LRRC49: variants seen among roughly 807,000 people sequenced by gnomAD.
LRRC49 encodes leucine-rich repeat-containing protein 49.
A neutral mutation model predicts 83.3 loss-of-function variants in LRRC49; 50 were observed. The ratio of observed to expected loss-of-function variants is 0.60; its 90% CI spans 0.48 to 0.76. LRRC49 has a LOEUF of 0.76. LRRC49 is among the 30% of genes least tolerant of loss of function. LRRC49 has a pLI of 0.00. For synonymous variants in LRRC49, 286 were observed against 283.3 expected (o/e 1.01, Z -0.10); for missense variants, 704 against 809.1 (o/e 0.87, Z 1.58).
At chr15:71,019,161 G>C (rs935641212) in intron 14 of LRRC49, among the ~76,000 whole-genome samples, 1 of 152,030 alleles carries the variant, frequency 6.6e-6, no homozygotes, top group Admixed American at 6.6e-5. Flanking sequence ...TGAAATCATT[G>C]GCTATTGGTA....
chr15:70,985,179 G>A (rs1208734977), intron 11 of LRRC49, among the ~76,000 whole-genome samples: 2 of 150,332 alleles, frequency 1.3e-5, no homozygotes, highest in African/African-American at 4.9e-5. Flanking sequence ...GGTATTTCTA[G>A]TTCTAGATCC....
At chr15:70,962,278 T>G (rs2036628817) in intron 8 of LRRC49, among the ~76,000 whole-genome samples, 1 of 152,168 alleles carries the variant, frequency 6.6e-6, no homozygotes, top group African/African-American at 2.4e-5. Flanking sequence ...GTTGGAGACA[T>G]CAGTATAAAC....
Position 70,984,477 on chromosome 15 carries a change from A to T in LRRC49, c.1169+220A>T, listed in dbSNP as rs1567083403. 1.8e-5 allele frequency: 7 copies of T among 399,768 alleles called. 1 individual carries two copies. The highest frequency in any genetic ancestry group is 3.1e-5 in the Non-Finnish European group (7 of 228,544). The allele number at this position is 399,768 out of a possible 1,614,324, so 24.8% of individuals were successfully genotyped here. A position where few individuals can be genotyped will look rare whatever the true frequency, so the allele number is the denominator to read the frequency against. On this transcript the variant is annotated intron_variant, in intron 11 of 15. Transcript: ENST00000260382. The stretch of plus-strand genomic sequence containing the variant: ...GGCATTTCATATTTTTTATAGGGAA[A>T]AGTCTAGATTTCTTAATATAGTCTA...
rs148782742 is a variant in LRRC49 at position 70,942,071 on chromosome 15, GTGTA to G, written c.773+5250_773+5253del. Among the ~76,000 whole-genome samples, 36 of 129,494 alleles carry G rather than the reference GTGTA, an allele frequency of 2.8e-4. No homozygotes were observed. The South Asian group carries it at 8.3e-3, about 30-fold the overall frequency. The allele number at this position is 129,494 out of a possible 152,430, so 85.0% of individuals were successfully genotyped here. A position where few individuals can be genotyped will look rare whatever the true frequency, so the allele number is the denominator to read the frequency against. On this transcript the variant is annotated intron_variant, in intron 8 of 15. Transcript: ENST00000260382. ...TGTGTGTGTGTGTGTGTGTGTGTGT[GTGTA>G]AGCGAGAGAGAGAGTTTTTCTAAAA...
At chr15:70,876,400 G>A (rs1479697728) in intron 2 of LRRC49, among the ~76,000 whole-genome samples, 1 of 152,210 alleles carries the variant, frequency 6.6e-6, no homozygotes, top group African/African-American at 2.4e-5. Context: ...GTAGAGTCTA[G>A]TGGGGGAGAT....
chr15:70,908,972 T>C (rs929617722), intron 5 of LRRC49, among the ~76,000 whole-genome samples: 2 of 152,200 alleles, frequency 1.3e-5, no homozygotes, highest in African/African-American at 4.8e-5. Flanking sequence ...GATTTCTCAA[T>C]TTTGCAAAGG....
At chr15:71,014,783 A>C (rs1047480820) in intron 14 of LRRC49, among the ~76,000 whole-genome samples, 2 of 152,198 alleles carry the variant, frequency 1.3e-5, no homozygotes, top group African/African-American at 4.8e-5. Context: ...TTCAGTTATT[A>C]TAATAGTCAT....
intron 2 of LRRC49, among the ~76,000 whole-genome samples, chr15:70,886,433 ACTT>A (rs1345527328): frequency 2.0e-5 from 3 of 152,328 alleles, no homozygotes; most frequent in African/African-American, 7.2e-5. Context: ...ATATAATTTA[ACTT>A]CTTAAGAAGT....
chr15:70,999,543 T>A (rs974465734), intron 11 of LRRC49, among the ~76,000 whole-genome samples: 1 of 152,214 alleles, frequency 6.6e-6, no homozygotes, highest in Non-Finnish European at 1.5e-5. Context: ...CTTTCACTGC[T>A]TATCTAGGCA....
At chr15:70,925,804 T>C (rs546517505) in intron 7 of LRRC49, among the ~76,000 whole-genome samples, 1 of 152,302 alleles carries the variant, frequency 6.6e-6, no homozygotes, top group African/African-American at 2.4e-5. Flanking sequence ...TGAAGACTTT[T>C]CCTTCATACT....
At chr15:70,987,883 TTTG>T (rs2037692446) in intron 11 of LRRC49, among the ~76,000 whole-genome samples, 1 of 152,034 alleles carries the variant, frequency 6.6e-6, no homozygotes, top group African/African-American at 2.4e-5. Flanking sequence ...CTGCCTTCAT[TTTG>T]TTATGTACCT....
chr15:70,905,739 G>A (rs1206615717), intron 5 of LRRC49, among the ~76,000 whole-genome samples: 2 of 152,118 alleles, frequency 1.3e-5, no homozygotes, highest in African/African-American at 4.8e-5. Flanking sequence ...AACTTAGCAA[G>A]GCCTATTTGT....
chr15:70,854,038 C>A, intron 1 of LRRC49: 1 of 1,446,288 alleles, frequency 6.9e-7, no homozygotes, highest in Non-Finnish European at 9.1e-7. Context: ...CGACGCGGAT[C>A]TGCACCGCCG....
intron 14 of LRRC49, among the ~76,000 whole-genome samples, chr15:71,017,514 A>G (rs1030572155): frequency 6.6e-6 from 1 of 152,196 alleles, no homozygotes; most frequent in Non-Finnish European, 1.5e-5. Flanking sequence ...CAAATTTAGT[A>G]AGAAAAAAGA....
upstream of LRRC49, among the ~76,000 whole-genome samples, chr15:70,891,434 T>A (rs141894725): frequency 6.7e-3 from 1,025 of 152,270 alleles, 9 homozygotes; most frequent in Middle Eastern, 0.017. Flanking sequence ...GGGACTTTCC[T>A]CAAGCTTATG....
At chr15:70,893,094 C>A in intron 1 of LRRC49, 152 bp downstream of exon 1, 1 of 814,606 alleles carries the variant, frequency 1.2e-6, no homozygotes, top group Non-Finnish European at 2.1e-6. Context: ...GTGGGCTGGA[C>A]CAAGGCACAA....
chr15:71,045,687 A>C (rs1025374882), intron 15 of LRRC49, among the ~76,000 whole-genome samples: 1 of 152,006 alleles, frequency 6.6e-6, no homozygotes, highest in African/African-American at 2.4e-5. Flanking sequence ...TCTTATTATG[A>C]ATCTTTATTT....
At chr15:70,911,457 T>G (rs2141122209) in intron 5 of LRRC49, 75 bp from the exon 6 acceptor site, 1 of 767,326 alleles carries the variant, frequency 1.3e-6, no homozygotes. Context: ...GTTACACCTT[T>G]ATGCCTTAGC....
chr15:70,878,683 T>C (rs1481555918), intron 2 of LRRC49, among the ~76,000 whole-genome samples: 1 of 152,240 alleles, frequency 6.6e-6, no homozygotes, highest in Non-Finnish European at 1.5e-5. Flanking sequence ...TTTTGTCAAA[T>C]GTTTTTTAAA....
Sources: allele counts gnomAD v4.1 joint callset (sites outside exome capture counted in the v4.1 genomes callset), GRCh38; gene constraint gnomAD v4.1.1; transcripts MANE v1.5; gene names NCBI Gene and HGNC (gene_info 2026-07-23, HGNC 2026-07-21).